DTNBP1: variants seen among roughly 807,000 people sequenced by gnomAD.
DTNBP1 encodes dysbindin.
A neutral mutation model predicts 42.8 loss-of-function variants in DTNBP1; 35 were observed. The ratio of observed to expected loss-of-function variants is 0.82; its 90% CI spans 0.63 to 1.09. The LOEUF (loss-of-function observed/expected upper bound fraction) is 1.09. Among genes scored for constraint, DTNBP1 ranks in the 50% least tolerant of loss-of-function variants. DTNBP1 has a pLI of 0.00. For synonymous variants in DTNBP1, 171 were observed against 162.2 expected, an observed-to-expected ratio of 1.05 and a Z score of -0.41; for missense variants, 457 against 424.2, an observed-to-expected ratio of 1.08 and a Z score of -0.68.
chr6:15,570,028 T>G (rs1204468621), intron 7 of DTNBP1, among the ~76,000 whole-genome samples: 2 of 152,196 alleles, frequency 1.3e-5, no homozygotes, highest in Non-Finnish European at 2.9e-5. Flanking sequence ...TGTATACCTG[T>G]GTGTACATAC....
chr6:15,569,341 C>T (rs1427126908), intron 7 of DTNBP1, among the ~76,000 whole-genome samples: 1 of 150,742 alleles, frequency 6.6e-6, no homozygotes, highest in Non-Finnish European at 1.5e-5. Flanking sequence ...CAGCTGAAGT[C>T]AGCCAGTTAA....
intron 6 of DTNBP1, chr6:15,595,122 G>C (rs753865640): frequency 2.2e-6 from 1 of 456,320 alleles, no homozygotes; most frequent in South Asian, 1.5e-5. Context: ...CTCCACAACT[G>C]TCAGCGAAAT....
intron 4 of DTNBP1, among the ~76,000 whole-genome samples, chr6:15,628,376 T>G (rs1759475692): frequency 6.6e-6 from 1 of 151,292 alleles, no homozygotes; most frequent in South Asian, 2.1e-4. Context: ...ACAGACAATT[T>G]GTACATCTCA....
chr6:15,575,700 TTATAC>T (rs1754592526), intron 7 of DTNBP1, among the ~76,000 whole-genome samples: 1 of 152,150 alleles, frequency 6.6e-6, no homozygotes, highest in Non-Finnish European at 1.5e-5. Context: ...ACTCAGCAAA[TTATAC>T]TCATGGAGGG....
intron 5 of DTNBP1, among the ~76,000 whole-genome samples, chr6:15,626,326 A>T (rs1300407583): frequency 6.6e-6 from 1 of 152,234 alleles, no homozygotes; most frequent in Non-Finnish European, 1.5e-5. Context: ...TATAAACATT[A>T]GCTACTGTTA....
chr6:15,568,303 C>G (rs1775187610), intron 7 of DTNBP1, among the ~76,000 whole-genome samples: 1 of 152,210 alleles, frequency 6.6e-6, no homozygotes, highest in African/African-American at 2.4e-5. Context: ...AATCATATTT[C>G]TCCATGCATC....
Position 15,553,438 on chromosome 6 carries a change from C to T in DTNBP1, c.512-20043G>A, listed in dbSNP as rs541631932. Reference sequence around the variant, plus strand: ...AGATAAAATGGAACCACACAGCATTCCAGAGAGATGGTAAGTGGTAAGTGA... The same window carrying T: ...AGATAAAATGGAACCACACAGCATTTCAGAGAGATGGTAAGTGGTAAGTGA... On this transcript the variant is annotated intron_variant, in intron 7 of 9. Coordinates refer to ENST00000344537, the MANE Select transcript of DTNBP1 (RefSeq NM_032122.5). Among the ~76,000 whole-genome samples the T allele has an allele frequency of 1.9e-3, 295 of 151,816 alleles. 4 individuals carry two copies. The Middle Eastern group carries it at 0.024, about 12-fold the overall frequency.
chr6:15,528,397 G>A (rs1272851374), intron 8 of DTNBP1, among the ~76,000 whole-genome samples: 2 of 151,996 alleles, frequency 1.3e-5, no homozygotes, highest in African/African-American at 2.4e-5. Flanking sequence ...CCCCAGGCAC[G>A]ACAACCAAAA....
At position 15,522,927 on chromosome 6, in the gene DTNBP1, C is replaced by A; in HGVS notation, c.*48G>T. On this transcript the variant is annotated 3_prime_UTR_variant, in exon 10 of 10. Transcript: ENST00000344537. ...GGCTTTCCAGGTGGAATTCCGCATACAGCCAAAACTGGATTCCAGTGTGGC... is the reference window on the plus strand; with the variant it reads ...GGCTTTCCAGGTGGAATTCCGCATAAAGCCAAAACTGGATTCCAGTGTGGC... 1.2e-6 allele frequency: 2 copies of A among 1,614,162 alleles called. No homozygotes were observed. The highest frequency in any genetic ancestry group is 1.7e-6 in the Non-Finnish European group (2 of 1,180,034).
In DTNBP1 at chr6:15,523,091, C is replaced by T. The variant is rs1457568398; in HGVS notation, c.940G>A (p.Gly314Arg). Residue 314 changes from glycine (G) to arginine (R), a missense_variant, in exon 10 of 10, where the codon GGG becomes AGG. Gly to Arg is a moderately radical substitution (Grantham distance 125). Coordinates refer to ENST00000344537, the MANE Select transcript of DTNBP1 (RefSeq NM_032122.5). ...TCGGACTGAACAACGGGGGACTCCC[C>T]ACCCTCACTGATGTCCCGGGTGGCC... ...DSATRDISEGGESPVVQSDEE... is the reference protein window; with the variant it reads ...DSATRDISEGRESPVVQSDEE... 5 of 1,614,224 alleles carry T rather than the reference C, an allele frequency of 3.1e-6. No homozygotes were observed. The highest frequency in any genetic ancestry group is 4.2e-6 in the Non-Finnish European group (5 of 1,180,038).
At chr6:15,541,717 C>CA (rs1349970831) in intron 7 of DTNBP1, among the ~76,000 whole-genome samples, 1 of 152,072 alleles carries the variant, frequency 6.6e-6, no homozygotes, top group Non-Finnish European at 1.5e-5. Flanking sequence ...CTCAAAACAA[C>CA]AAAAAATTCC....
At position 15,656,940 on chromosome 6, in the gene DTNBP1, C is replaced by G. The variant is rs140629878; in HGVS notation, c.57-4800G>C. Among the ~76,000 whole-genome samples, 730 of 152,264 alleles carry G rather than the reference C, an allele frequency of 4.8e-3. 7 individuals carry two copies. The highest frequency in any genetic ancestry group is 0.016 in the African/African-American group (668 of 41,548). ...TGAGGACGATTGCTTTAAAGCACCA[C>G]AGAAATGTATGAATTAGCATATTTT... On this transcript the variant is annotated intron_variant, in intron 1 of 9. Coordinates refer to ENST00000344537, the MANE Select transcript of DTNBP1 (RefSeq NM_032122.5).
At position 15,523,014 on chromosome 6, in the gene DTNBP1, T is replaced by A. The variant is rs1388250259; in HGVS notation, c.1017A>T (p.Arg339Ser). ...DTALATSHTD[R>S]EATPDGGEDS... ...CCTCACCACCATCCGGAGTGGCCTCTCTGTCAGTGTGTGATGTGGCCAGGG... is the reference window on the plus strand; with the variant it reads ...CCTCACCACCATCCGGAGTGGCCTCACTGTCAGTGTGTGATGTGGCCAGGG... Residue 339 changes from arginine (R) to serine (S), a missense_variant, in exon 10 of 10, where the codon AGA becomes AGT. Physicochemically the swap from Arg to Ser is moderately radical, Grantham distance 110. Transcript: ENST00000344537. 1 of 1,613,874 alleles carries A rather than the reference T, an allele frequency of 6.2e-7. No homozygotes were observed. The highest frequency in any genetic ancestry group is 1.3e-5 in the African/African-American group (1 of 74,926).
chr6:15,650,975 T>C (rs1414367651), intron 3 of DTNBP1, among the ~76,000 whole-genome samples: 1 of 152,066 alleles, frequency 6.6e-6, no homozygotes, highest in African/African-American at 2.4e-5. Flanking sequence ...AAAGAATGGA[T>C]TGGAAAAGAA....
chr6:15,530,262 G>A (rs1772723291), intron 8 of DTNBP1, among the ~76,000 whole-genome samples: 1 of 152,188 alleles, frequency 6.6e-6, no homozygotes, highest in African/African-American at 2.4e-5. Context: ...AGTCTGAGCC[G>A]GCTCTGCACA....
intron 3 of DTNBP1, among the ~76,000 whole-genome samples, chr6:15,639,404 G>A (rs1342911362): frequency 1.3e-5 from 2 of 152,254 alleles, no homozygotes; most frequent in East Asian, 1.9e-4. Context: ...GCTATCCAGC[G>A]AATATTTCTC....
intron 7 of DTNBP1, among the ~76,000 whole-genome samples, chr6:15,563,531 G>T (rs1774934349): frequency 6.6e-6 from 1 of 152,148 alleles, no homozygotes; most frequent in South Asian, 2.1e-4. Flanking sequence ...TATACCCATT[G>T]TTCCTATAGA....
intron 7 of DTNBP1, among the ~76,000 whole-genome samples, chr6:15,550,606 T>C (rs879272689): frequency 2.0e-5 from 3 of 152,234 alleles, no homozygotes; most frequent in African/African-American, 7.2e-5. Flanking sequence ...GCTGGAAACC[T>C]CATTATTTCC....
chr6:15,522,907 T>A lies in DTNBP1; in HGVS notation c.*68A>T. The A allele has an allele frequency of 6.2e-7, 1 of 1,613,542 alleles. No individual in the cohort carries two copies. Among genetic ancestry groups the A allele is most frequent in the Non-Finnish European group, 8.5e-7 (1 of 1,179,728 alleles). On this transcript the variant is annotated 3_prime_UTR_variant, in exon 10 of 10. Coordinates refer to ENST00000344537, the MANE Select transcript of DTNBP1 (RefSeq NM_032122.5). ...GAACCTCTATAAAACAACCTGGCTT[T>A]CCAGGTGGAATTCCGCATACAGCCA...
Sources: allele counts gnomAD v4.1 joint callset (sites outside exome capture counted in the v4.1 genomes callset), GRCh38; gene constraint gnomAD v4.1.1; transcripts MANE v1.5; gene names NCBI Gene and HGNC (gene_info 2026-07-23, HGNC 2026-07-21).